The following PRKD1 variants were observed in gnomAD, a reference collection of about 807,000 sequenced individuals.
PRKD1 encodes the protein serine/threonine-protein kinase D1.
Under a neutral mutation model 95.9 loss-of-function variants are expected in PRKD1, and 63 were observed. The observed-to-expected ratio is 0.66, with a 90% CI of 0.54 to 0.81. The LOEUF is 0.81. Among genes scored for constraint, PRKD1 ranks in the 30% least tolerant of loss-of-function variants. The pLI is 0.00. For synonymous variants in PRKD1, 425 were observed against 423.1 expected, an observed-to-expected ratio of 1.00 and a Z score of -0.05; for missense variants, 1,048 against 1,165.3, an observed-to-expected ratio of 0.90 and a Z score of 1.47.
At chr14:29,803,845 A>G (rs1458695004) in intron 1 of PRKD1, among the ~76,000 whole-genome samples, 2 of 152,224 alleles carry the variant, frequency 1.3e-5, no homozygotes, top group African/African-American at 4.8e-5. Context: ...TTTAAAGCCA[A>G]ATTCAAAATG....
intron 1 of PRKD1, among the ~76,000 whole-genome samples, chr14:29,747,092 A>T (rs1266189589): frequency 6.6e-6 from 1 of 152,156 alleles, no homozygotes. Context: ...AACCCAAAGA[A>T]ATGATATATG....
At chr14:29,926,781 T>C (rs775672677) in intron 1 of PRKD1, among the ~76,000 whole-genome samples, 1 of 152,026 alleles carries the variant, frequency 6.6e-6, no homozygotes, top group African/African-American at 2.4e-5. Context: ...AATCACACTC[T>C]CTTAAAAGCT....
intron 1 of PRKD1, among the ~76,000 whole-genome samples, chr14:29,737,281 C>T (rs1179048025): frequency 7.3e-6 from 1 of 137,158 alleles, no homozygotes; most frequent in African/African-American, 2.8e-5. Flanking sequence ...GAGATTGCGC[C>T]ACTGCAGTCC....
chr14:29,688,103 T>C (rs1883989212), intron 2 of PRKD1, among the ~76,000 whole-genome samples: 1 of 152,196 alleles, frequency 6.6e-6, no homozygotes, highest in Non-Finnish European at 1.5e-5. Context: ...ATACATTTTC[T>C]TGCCTTTCCA....
intron 1 of PRKD1, among the ~76,000 whole-genome samples, chr14:29,776,921 G>A (rs1216627074): frequency 2.6e-5 from 4 of 152,308 alleles, no homozygotes; most frequent in South Asian, 2.1e-4. Context: ...TCAAAGGGAA[G>A]CCCATCAGAC....
At chr14:29,648,875 C>T (rs1467140214) in intron 4 of PRKD1, among the ~76,000 whole-genome samples, 1 of 151,996 alleles carries the variant, frequency 6.6e-6, no homozygotes, top group African/African-American at 2.4e-5. Context: ...AGGATGGTCT[C>T]GATTTCCTGA....
At chr14:29,679,580 TAAC>T (rs940760657) in intron 2 of PRKD1, among the ~76,000 whole-genome samples, 2 of 152,064 alleles carry the variant, frequency 1.3e-5, no homozygotes, top group Non-Finnish European at 2.9e-5. Context: ...ATAAATCTAA[TAAC>T]AAACAAGACA....
intron 2 of PRKD1, among the ~76,000 whole-genome samples, chr14:29,720,449 T>C (rs1885829781): frequency 6.6e-6 from 1 of 152,032 alleles, no homozygotes; most frequent in African/African-American, 2.4e-5. Context: ...TTTCATCTAG[T>C]AGAAGCTTTT....
intron 1 of PRKD1, among the ~76,000 whole-genome samples, chr14:29,766,365 G>C (rs1459432427): frequency 6.6e-6 from 1 of 151,808 alleles, no homozygotes; most frequent in East Asian, 1.9e-4. Flanking sequence ...ATGCATGCTG[G>C]AAAGAGTATT....
chr14:29,663,949 T>TA, intron 3 of PRKD1, 90 bp from the exon 4 acceptor site: 1 of 1,258,764 alleles, frequency 7.9e-7, no homozygotes. Flanking sequence ...TAAAAAATAG[T>TA]ACAGCTTCCA....
At chr14:29,754,435 A>T (rs780338622) in intron 1 of PRKD1, among the ~76,000 whole-genome samples, 12 of 152,130 alleles carry the variant, frequency 7.9e-5, no homozygotes, top group Non-Finnish European at 1.6e-4. Context: ...TGGTCTCCTA[A>T]ATGGTCTTTG....
At chr14:29,684,817 A>G (rs1228209704) in intron 2 of PRKD1, among the ~76,000 whole-genome samples, 1 of 152,206 alleles carries the variant, frequency 6.6e-6, no homozygotes, top group Admixed American at 6.5e-5. Context: ...TCCTGCAGTT[A>G]TCACATCCCT....
intron 1 of PRKD1, among the ~76,000 whole-genome samples, chr14:29,806,174 A>G (rs1349875938): frequency 6.6e-6 from 1 of 152,216 alleles, no homozygotes; most frequent in Non-Finnish European, 1.5e-5. Flanking sequence ...TCTCAATAAC[A>G]AGAGCCATGA....
chr14:29,597,036 A>G (rs1893332225), intron 16 of PRKD1, among the ~76,000 whole-genome samples: 1 of 152,134 alleles, frequency 6.6e-6, no homozygotes, highest in East Asian at 1.9e-4. Flanking sequence ...CAAGTAAAAT[A>G]TTATACATAT....
At chr14:29,847,178 C>T (rs567174997) in intron 1 of PRKD1, among the ~76,000 whole-genome samples, 6 of 152,254 alleles carry the variant, frequency 3.9e-5, no homozygotes, top group African/African-American at 1.4e-4. Context: ...AACCCACCCT[C>T]CTTCATTCTA....
chr14:29,697,922 G>A (rs1273570473), intron 2 of PRKD1, among the ~76,000 whole-genome samples: 4 of 152,142 alleles, frequency 2.6e-5, no homozygotes, highest in Non-Finnish European at 4.4e-5. Flanking sequence ...CAAACTTGTA[G>A]AGCAGTATCT....
intron 13 of PRKD1, among the ~76,000 whole-genome samples, chr14:29,621,083 C>T (rs565897875): frequency 1.6e-4 from 18 of 114,410 alleles, no homozygotes; most frequent in East Asian, 3.2e-4. Flanking sequence ...AGTAAACTAT[C>T]GCAAGGACAA....
intron 16 of PRKD1, among the ~76,000 whole-genome samples, chr14:29,581,042 A>G (rs1892740435): frequency 7.0e-6 from 1 of 142,994 alleles, no homozygotes; most frequent in Non-Finnish European, 1.5e-5. Context: ...TACTCAAAGC[A>G]AAAAAAAAAA....
At chr14:29,698,974 C>T (rs1052914971) in intron 2 of PRKD1, among the ~76,000 whole-genome samples, 4 of 152,090 alleles carry the variant, frequency 2.6e-5, no homozygotes, top group African/African-American at 4.8e-5. Context: ...ATACAGTCTG[C>T]TTACTTTTTT....
Sources: allele counts gnomAD v4.1 joint callset (sites outside exome capture counted in the v4.1 genomes callset), GRCh38; gene constraint gnomAD v4.1.1; transcripts MANE v1.5; gene names NCBI Gene and HGNC (gene_info 2026-07-23, HGNC 2026-07-21).